The following OVCH2 variants were observed in gnomAD, a reference collection of about 807,000 sequenced individuals.
OVCH2 encodes the protein ovochymase-2.
OVCH2 carries 88 observed loss-of-function variants against 73.7 expected under a neutral mutation model. The observed-to-expected ratio is 1.19, with a 90% CI of 1.01 to 1.43. The LOEUF is 1.43. Among genes scored for constraint, OVCH2 ranks in the 40% most tolerant of loss-of-function variants. The probability of loss-of-function intolerance (pLI) is 0.00; values close to 1 mark genes in which losing one functional copy is unlikely to be tolerated. For missense variants in OVCH2, 706 were observed against 674.5 expected, an observed-to-expected ratio of 1.05 and a Z score of -0.52; for synonymous variants, 265 against 234.5, an observed-to-expected ratio of 1.13 and a Z score of -1.19.
chr11:7,682,752 C>G, the OVCH2 span, among the ~76,000 whole-genome samples: 1 of 152,200 alleles, frequency 6.6e-6, no homozygotes, highest in South Asian at 2.1e-4. Flanking sequence ...GCTGTAATTT[C>G]TGCCATGTTT....
chr11:7,691,948 G>T lies in OVCH2; in HGVS notation c.1461C>A (p.Ser487=). The change falls in exon 13 of 16, where the codon TCC becomes TCA. Residue 487 remains serine (S), a synonymous_variant. Transcript: ENST00000533663. ...LEIEESGDCT[S]DYVTVHSDVE... ...CATCGCTGTGCACTGTCACATAGTC[G>T]GAAGTGCAGTCTCCACTTTCTTCTA... 6.3e-7 allele frequency: 1 copy of T among 1,578,426 alleles called. No homozygotes were observed. The highest frequency in any genetic ancestry group is 8.6e-7 in the Non-Finnish European group (1 of 1,160,582).
intron 8 of OVCH2, 92 bp from the exon 9 acceptor site, chr11:7,696,891 G>T: frequency 8.7e-7 from 1 of 1,153,028 alleles, no homozygotes; most frequent in East Asian, 2.6e-5. Context: ...ATAGCCTCCT[G>T]GTTCTTCTTG....
At chr11:7,699,259 G>A (rs1856391115) in intron 7 of OVCH2, 1 of 155,892 alleles carries the variant, frequency 6.4e-6, no homozygotes, top group African/African-American at 2.4e-5. Context: ...AAACAATTAA[G>A]TTGGATTTGG....
chr11:7,690,147 A>C, intron 14 of OVCH2, 134 bp from the exon 15 acceptor site: 2 of 617,842 alleles, frequency 3.2e-6, no homozygotes, highest in East Asian at 2.8e-5. Flanking sequence ...TAGGTATTTC[A>C]AATGAGGAGT....
At position 7,702,288 on chromosome 11, in the gene OVCH2, T is replaced by C. The variant is rs778124738; in HGVS notation, c.332A>G (p.Asp111Gly). The C allele has an allele frequency of 3.1e-5, 50 of 1,610,776 alleles. No individual in the cohort carries two copies. The South Asian group carries it at 5.5e-4, about 18-fold the overall frequency. The change falls in exon 4 of 16, where the codon GAC (aspartate) becomes GGC (glycine). Residue 111 changes from aspartate to glycine, a missense_variant. Transcript: ENST00000533663. ...CTCTCCTGGGTCTGTCTGGCTTAAGTCATACTCTCCAGCAGTAACATTCAA... is the reference window on the plus strand; with the variant it reads ...CTCTCCTGGGTCTGTCTGGCTTAAGCCATACTCTCCAGCAGTAACATTCAA... ...STLNVTAGEY[D>G]LSQTDPGEQT...
At chr11:7,706,169 T>C (rs1589883962) in intron 1 of OVCH2, 138 bp downstream of exon 1, 2 of 909,734 alleles carry the variant, frequency 2.2e-6, no homozygotes, top group Non-Finnish European at 3.3e-6. Flanking sequence ...TCCAAAATAA[T>C]TGTTTAAAAA....
At chr11:7,685,508 G>A (rs2136146589), downstream of OVCH2, among the ~76,000 whole-genome samples, 1 of 151,852 alleles carries the variant, frequency 6.6e-6, no homozygotes, top group East Asian at 1.9e-4. Flanking sequence ...AATATTAACA[G>A]ATACATCCAC....
rs1235982417 is a variant in OVCH2, at chr11:7,696,602, C to T, written c.1017-13G>A. On this transcript the variant is annotated splice_polypyrimidine_tract_variant and intron_variant, in intron 9 of 15. Coordinates refer to ENST00000533663, the MANE Select transcript of OVCH2 (RefSeq NM_198185.7). ...CCAGACACACCGTCTGTAGGCAGAT[C>T]ATGGAGAGGGCGTTATTTCTAGACA... The T allele has an allele frequency of 3.1e-6, 5 of 1,613,884 alleles. No homozygotes were observed.
downstream of OVCH2, among the ~76,000 whole-genome samples, chr11:7,688,428 G>A (rs569283135): frequency 2.5e-4 from 38 of 152,046 alleles, no homozygotes; most frequent in African/African-American, 8.9e-4. Context: ...TTTGCTGAAT[G>A]TACCCCCTGG....
In OVCH2 at chr11:7,689,514, GCT is replaced by G. The variant is rs1856179295; in HGVS notation, c.*118_*119del. On this transcript the variant is annotated 3_prime_UTR_variant, in exon 16 of 16. Transcript: ENST00000533663. ...CAAGATCAACGTGTCAGCAGGGATG[GCT>G]CTGTCTGAGGGCTGTGACGAGGAGT... 1.3e-5 allele frequency: 5 copies of G among 396,360 alleles called. No individual in the cohort carries two copies. Among genetic ancestry groups the G allele is most frequent in the Middle Eastern group, 7.1e-4 (2 of 2,806 alleles). The allele number at this position is 396,360 out of a possible 1,614,324, so 24.6% of individuals were successfully genotyped here. A position where few individuals can be genotyped will look rare whatever the true frequency, so the allele number is the denominator to read the frequency against.
chr11:7,683,146 T>G, the OVCH2 span, among the ~76,000 whole-genome samples: 1 of 152,238 alleles, frequency 6.6e-6, no homozygotes, highest in Non-Finnish European at 1.5e-5. Flanking sequence ...AGTTTTCATA[T>G]CCAGGCTGGG....
At chr11:7,684,271 A>G in the OVCH2 span, among the ~76,000 whole-genome samples, 1 of 152,008 alleles carries the variant, frequency 6.6e-6, no homozygotes, top group Non-Finnish European at 1.5e-5. Flanking sequence ...CTGGAAAGCA[A>G]TAGCCTTTCT....
chr11:7,694,585 A>C (rs1312474546), intron 12 of OVCH2, among the ~76,000 whole-genome samples: 1 of 149,412 alleles, frequency 6.7e-6, no homozygotes, highest in Admixed American at 6.8e-5. Context: ...TCTGGAATGG[A>C]CTAAAAGTCA....
At chr11:7,694,861 A>ATGTGTAGTT (rs1465606898) in intron 12 of OVCH2, among the ~76,000 whole-genome samples, 197 bp downstream of exon 12, 1 of 149,022 alleles carries the variant, frequency 6.7e-6, no homozygotes, top group Non-Finnish European at 1.5e-5. Context: ...AGTGGAAAAA[A>ATGTGTAGTT]TGTGTAGTTG....
chr11:7,698,991 T>C (rs537910716), intron 7 of OVCH2: 2 of 489,276 alleles, frequency 4.1e-6, no homozygotes, highest in Non-Finnish European at 7.3e-6. Flanking sequence ...TGGGCTAATA[T>C]GAAATGGTAA....
intron 1 of OVCH2, among the ~76,000 whole-genome samples, chr11:7,705,824 G>A (rs764049810): frequency 2.0e-5 from 3 of 152,180 alleles, no homozygotes; most frequent in Non-Finnish European, 1.5e-5. Flanking sequence ...GTTGGCACAA[G>A]TCTGACCAAG....
chr11:7,701,748 C>A lies in OVCH2; in HGVS notation c.527G>T (p.Cys176Phe). Residue 176 changes from cysteine to phenylalanine, a missense_variant, in exon 5 of 16, where the codon TGT becomes TTT. Coordinates refer to ENST00000533663, the MANE Select transcript of OVCH2 (RefSeq NM_198185.7). ...TAAGCGGCCCCAGCCTGCAGTTGTA[C>A]AAATAAAACCAGCCTCAAATTGCTC... The part of the protein sequence containing the change: ...LREQFEAGFI[C>F]TTAGWGRLTE... 1 of 1,612,500 alleles carries A rather than the reference C, an allele frequency of 6.2e-7. No homozygotes were observed. The highest frequency in any genetic ancestry group is 8.5e-7 in the Non-Finnish European group (1 of 1,179,440).
Position 7,702,136 on chromosome 11 carries a change from GT to G in OVCH2, c.463+20del, listed in dbSNP as rs1856453612. The G allele has an allele frequency of 6.3e-7, 1 of 1,578,860 alleles. No homozygotes were observed. Among genetic ancestry groups the G allele is most frequent in the African/African-American group, 1.4e-5 (1 of 73,802 alleles). ...TAGAGAACATGGGGTAGACAATTCA[GT>G]ATGATCCTCAAATGTTTACCAAATT... On this transcript the variant is annotated intron_variant, in intron 4 of 15. Transcript: ENST00000533663.
intron 3 of OVCH2, 71 bp from the exon 4 acceptor site, chr11:7,702,400 C>A: frequency 1.7e-6 from 2 of 1,195,196 alleles, no homozygotes; most frequent in Non-Finnish European, 2.3e-6. Flanking sequence ...GGTTGACACA[C>A]TAGCTTCTTT....
Sources: gnomAD v4.1 joint callset for allele counts (sites outside exome capture counted in the v4.1 genomes callset) on GRCh38, gnomAD v4.1.1 for gene constraint, MANE v1.5 for transcripts, NCBI Gene and HGNC (gene_info 2026-07-23, HGNC 2026-07-21) for gene names.